ARID1A: variants seen among roughly 807,000 people sequenced by gnomAD.
ARID1A encodes AT-rich interaction domain 1A.
ARID1A carries 20 observed loss-of-function variants against 212.6 expected under a neutral mutation model. The ratio of observed to expected loss-of-function variants is 0.09; its 90% confidence interval spans 0.07 to 0.14. ARID1A has a LOEUF of 0.14. ARID1A is among the 10% of genes least tolerant of loss of function. The pLI is 1.00. For missense variants in ARID1A, 2,587 were observed against 3,059.0 expected, an observed-to-expected ratio of 0.85 and a Z score of 3.64; for synonymous variants, 1,376 against 1,222.1, an observed-to-expected ratio of 1.13 and a Z score of -2.63.
intron 4 of ARID1A, 57 bp downstream of exon 4, chr1:26,732,849 A>G (rs1367629562): frequency 2.8e-6 from 4 of 1,417,940 alleles, no homozygotes; most frequent in Non-Finnish European, 3.9e-6. Context: ...ACCAATGCAA[A>G]CTAGTTAGTT....
At chr1:26,716,787 A>G (rs1313800532) in intron 1 of ARID1A, among the ~76,000 whole-genome samples, 1 of 152,014 alleles carries the variant, frequency 6.6e-6, no homozygotes, top group Non-Finnish European at 1.5e-5. Context: ...CACCACACCC[A>G]ACTAATTTTT....
At chr1:26,759,329 A>G (rs975415506) in intron 4 of ARID1A, among the ~76,000 whole-genome samples, 2 of 151,990 alleles carry the variant, frequency 1.3e-5, no homozygotes, top group African/African-American at 4.8e-5. Flanking sequence ...CAGCCTCCCA[A>G]GTAGCTGGGA....
Position 26,761,013 on chromosome 1 carries a change from G to A in ARID1A, c.2078G>A (p.Arg693Gln), listed in dbSNP as rs770764901. 16 of 1,613,958 alleles carry A rather than the reference G, an allele frequency of 9.9e-6. No individual in the cohort carries two copies. The highest frequency in any genetic ancestry group is 4.5e-5 in the East Asian group (2 of 44,856). ...ACCTCCCCTCACCTGCCTGGCATCC[G>A]AGGCCCTTCCCCGTCCCCTGTTGGC... is the stretch of plus-strand genomic sequence containing the variant. Reference protein sequence around the residue: ...PHTSPHLPGIRGPSPSPVGSP... With the variant: ...PHTSPHLPGIQGPSPSPVGSP... The change falls in exon 5 of 20, where the codon CGA (arginine) becomes CAA (glutamine). Residue 693 changes from arginine (R) to glutamine (Q), a missense_variant. Transcript: ENST00000324856.
chr1:26,761,877 G>T (rs1277334532), intron 6 of ARID1A, among the ~76,000 whole-genome samples: 1 of 152,012 alleles, frequency 6.6e-6, no homozygotes, highest in Non-Finnish European at 1.5e-5. Flanking sequence ...TCAATGTTCG[G>T]TCTTCACTCA....
chr1:26,735,520 G>C (rs1409705097), intron 4 of ARID1A, among the ~76,000 whole-genome samples: 2 of 152,160 alleles, frequency 1.3e-5, no homozygotes, highest in African/African-American at 4.8e-5. Context: ...TCAAACTCCT[G>C]ATCTCAGGTG....
At chr1:26,732,242 C>CT (rs2124791548) in intron 3 of ARID1A, among the ~76,000 whole-genome samples, 1 of 152,272 alleles carries the variant, frequency 6.6e-6, no homozygotes, top group African/African-American at 2.4e-5. Context: ...AAAGAGATGA[C>CT]TGAGTGATGA....
Position 26,774,946 on chromosome 1 carries a change from G to C in ARID1A, c.4719G>C (p.Gln1573His). 1 of 1,501,546 alleles carries C rather than the reference G, an allele frequency of 6.7e-7. No individual in the cohort carries two copies. Among genetic ancestry groups the C allele is most frequent in the South Asian group, 1.3e-5 (1 of 78,366 alleles). The allele number at this position is 1,501,546 out of a possible 1,614,324, so 93.0% of individuals were successfully genotyped here. The change falls in exon 18 of 20, where the codon CAG becomes CAC. Residue 1573 changes from glutamine (Q) to histidine (H), a missense_variant. By Grantham distance (24) the Gln-to-His change is conservative. This residue lies in a region of ARID1A where 890 missense variants were observed against 1,098.2 expected (regional missense o/e 0.81). Coordinates refer to ENST00000324856, the MANE Select transcript of ARID1A (RefSeq NM_006015.6). The surrounding 1 kb of genome is among the most constrained non-coding windows in gnomAD (Gnocchi z 5.6). Reference protein sequence around the residue: ...PMTRPPPSNYQPPPSMQNHIP... With the variant: ...PMTRPPPSNYHPPPSMQNHIP... ...CAAGGCCCCCTCCATCTAACTACCAGCCCCCACCAAGCATGCAGAATCACA... is the reference window on the plus strand; with the variant it reads ...CAAGGCCCCCTCCATCTAACTACCACCCCCCACCAAGCATGCAGAATCACA...
intron 1 of ARID1A, among the ~76,000 whole-genome samples, chr1:26,722,934 A>G (rs1229089134): frequency 1.3e-5 from 2 of 152,174 alleles, no homozygotes; most frequent in Admixed American, 6.5e-5. Context: ...TTTCCCCACT[A>G]TTTAAAACAA....
At chr1:26,718,274 CGTT>C (rs917961343) in intron 1 of ARID1A, among the ~76,000 whole-genome samples, 2 of 152,180 alleles carry the variant, frequency 1.3e-5, no homozygotes, top group Non-Finnish European at 2.9e-5. Flanking sequence ...CGCACCCAGC[CGTT>C]GTTTTGTTCT....
intron 1 of ARID1A, among the ~76,000 whole-genome samples, chr1:26,701,540 G>A (rs759388842): frequency 1.3e-5 from 2 of 152,314 alleles, no homozygotes; most frequent in Middle Eastern, 3.4e-3. Flanking sequence ...TCCAGATTAA[G>A]CTGTGTGACC....
In ARID1A at chr1:26,775,057, G is replaced by A. The variant is rs1255113889; in HGVS notation, c.4830G>A (p.Gly1610=). The change falls in exon 18 of 20, where the codon GGG becomes GGA. Residue 1610 remains glycine, a synonymous_variant. Coordinates refer to ENST00000324856, the MANE Select transcript of ARID1A (RefSeq NM_006015.6). ...GCAAGTCTCCATTCCTGCACTCTGG[G>A]ATGAAAATGCAGAAGGCAGGTCCCC... is the stretch of plus-strand genomic sequence containing the variant. ...SPSKSPFLHS[G]MKMQKAGPPV... 6.2e-7 allele frequency: 1 copy of A among 1,613,134 alleles called. No homozygotes were observed. The highest frequency in any genetic ancestry group is 1.1e-5 in the South Asian group (1 of 91,018).
At chr1:26,711,267 C>T (rs1054653453) in intron 1 of ARID1A, among the ~76,000 whole-genome samples, 2 of 151,926 alleles carry the variant, frequency 1.3e-5, no homozygotes, top group African/African-American at 2.4e-5. Context: ...CCACCACGCC[C>T]GGCTAATTTT....
chr1:26,697,773 C>T (rs954513377), intron 1 of ARID1A, among the ~76,000 whole-genome samples: 1 of 151,538 alleles, frequency 6.6e-6, no homozygotes, highest in Admixed American at 6.6e-5. Context: ...TCTTTTTCCT[C>T]TCCCCTGGTC....
rs1162533075 is a variant in ARID1A at position 26,760,931 on chromosome 1, A to G, written c.1996A>G (p.Ile666Val). The change falls in exon 5 of 20, where the codon ATT (isoleucine) becomes GTT (valine). Residue 666 changes from isoleucine to valine, a missense_variant. Transcript: ENST00000324856. ...GAGTCCTGGAGTGAGCACATCAGGG[A>G]TTTCCAGCAGCCAAGGAGAGCAGAG... is the stretch of plus-strand genomic sequence containing the variant. ...ALSPGVSTSGISSSQGEQSNP... is the reference protein window; with the variant it reads ...ALSPGVSTSGVSSSQGEQSNP... 1.2e-6 allele frequency: 2 copies of G among 1,613,880 alleles called. No individual in the cohort carries two copies. Among genetic ancestry groups the G allele is most frequent in the African/African-American group, 2.7e-5 (2 of 74,842 alleles).
rs879292607 is a variant in ARID1A, at chr1:26,749,398, G to A, written c.1921-11458G>A. Among the ~76,000 whole-genome samples, 15 of 152,044 alleles carry A rather than the reference G, an allele frequency of 9.9e-5. No individual in the cohort carries two copies. The South Asian group carries it at 2.3e-3, about 23-fold the overall frequency. On this transcript the variant is annotated intron_variant, in intron 4 of 19. Transcript: ENST00000324856. Reference sequence around the variant, plus strand: ...TGTTTGTTGGGGGGCGGCGGGGAGCGACAGGGGAAATGTTGAGCAGAAGCA... The same window carrying A: ...TGTTTGTTGGGGGGCGGCGGGGAGCAACAGGGGAAATGTTGAGCAGAAGCA...
At position 26,780,772 on chromosome 1, in the gene ARID1A, T is replaced by G; in HGVS notation, c.*16T>G. ...CCAGTCATGACAGCCGTGGGACACCTCCCCCCCCCGTGTGTGTGTGCGTGT... is the reference window on the plus strand; with the variant it reads ...CCAGTCATGACAGCCGTGGGACACCGCCCCCCCCCGTGTGTGTGTGCGTGT... On this transcript the variant is annotated 3_prime_UTR_variant, in exon 20 of 20. Transcript: ENST00000324856. The surrounding 1 kb of genome is among the most constrained non-coding windows in gnomAD (Gnocchi z 7.2). 6.7e-7 allele frequency: 1 copy of G among 1,500,760 alleles called. No homozygotes were observed. The highest frequency in any genetic ancestry group is 1.8e-5 in the Admixed American group (1 of 54,200). The allele number at this position is 1,500,760 out of a possible 1,614,324, so 93.0% of individuals were successfully genotyped here.
chr1:26,697,429 G>GGCA lies in ARID1A; in HGVS notation c.1029_1031dup (p.Ala349dup). 7 of 1,349,940 alleles carry GGCA rather than the reference G, an allele frequency of 5.2e-6. No individual in the cohort carries two copies. The South Asian group carries it at 1.2e-4, about 22-fold the overall frequency. 83.6% of individuals were successfully genotyped at this position (1,349,940 alleles called of 1,614,324 possible). ...CGCAGTGTTGGGGGGCTGCGGCGGC[G>GGCA]GCAGCTGCGGCGGCGGCCGCCTCGG... On this transcript the variant is annotated inframe_insertion, in exon 1 of 20. Coordinates refer to ENST00000324856, the MANE Select transcript of ARID1A (RefSeq NM_006015.6).
intron 1 of ARID1A, among the ~76,000 whole-genome samples, chr1:26,720,977 A>G (rs562959046): frequency 6.6e-6 from 1 of 152,084 alleles, no homozygotes; most frequent in Non-Finnish European, 1.5e-5. Context: ...TTGAGGTTCA[A>G]CCTGGTTGAT....
At chr1:26,704,429 C>T (rs528155776) in intron 1 of ARID1A, among the ~76,000 whole-genome samples, 2 of 152,270 alleles carry the variant, frequency 1.3e-5, no homozygotes, top group South Asian at 2.1e-4. Flanking sequence ...TGTTGGGACT[C>T]TTAGGCTGCT....
Sources: allele counts gnomAD v4.1 joint callset (sites outside exome capture counted in the v4.1 genomes callset), GRCh38; gene constraint gnomAD v4.1.1; regional missense constraint gnomAD v4.1.1; non-coding constraint Gnocchi (gnomAD v3.1); transcripts MANE v1.5; gene names NCBI Gene and HGNC (gene_info 2026-07-23, HGNC 2026-07-21).